The following MAF variants were observed in gnomAD, a reference collection of about 807,000 sequenced individuals.
The protein encoded by MAF is MAF bZIP transcription factor, also known as transcription factor Maf.
In MAF, 10 loss-of-function variants were observed where a neutral mutation model predicts 22.0. That is an observed-to-expected ratio of 0.45 (90% CI 0.28 to 0.77). The LOEUF is 0.77. MAF is among the 30% of genes least tolerant of loss of function. The probability of loss-of-function intolerance (pLI) is 0.12; values close to 1 mark genes in which losing one functional copy is unlikely to be tolerated. For missense variants in MAF, 544 were observed against 548.4 expected (o/e 0.99, Z 0.08); for synonymous variants, 337 against 255.8 (o/e 1.32, Z -3.03).
At chr16:79,384,820 T>C in the MAF span, among the ~76,000 whole-genome samples, 1 of 152,062 alleles carries the variant, frequency 6.6e-6, no homozygotes. Flanking sequence ...GAAGTGAAGA[T>C]TCAGAAGTTA....
chr16:79,546,516 C>T, the MAF span, among the ~76,000 whole-genome samples: 1 of 152,036 alleles, frequency 6.6e-6, no homozygotes, highest in East Asian at 1.9e-4. Context: ...TGGAAATTTC[C>T]CACAGCTACA....
chr16:79,599,039 C>T lies in MAF; in HGVS notation c.864G>A (p.Arg288=), dbSNP rs749330861. The part of the protein sequence containing the change: ...LRGVSKEEVI[R]LKQKRRTLKN... Reference sequence around the variant, plus strand: ...TCAGGGTCCGCCTCTTCTGCTTCAGCCGGATCACCTCCTCCTTGCTGACCC... The same window carrying T: ...TCAGGGTCCGCCTCTTCTGCTTCAGTCGGATCACCTCCTCCTTGCTGACCC... Residue 288 remains arginine, a synonymous_variant, in exon 1 of 2, where the codon CGG becomes CGA. Transcript: ENST00000326043. 11 of 1,613,064 alleles carry T rather than the reference C, an allele frequency of 6.8e-6. No individual in the cohort carries two copies. In the East Asian group the frequency reaches 1.1e-4, roughly 16 times the overall value.
At chr16:79,585,828 AG>A (rs1912803078), downstream of MAF, 2 of 468,360 alleles carry the variant, frequency 4.3e-6, no homozygotes, top group African/African-American at 3.8e-5. Context: ...AACAAAGAAA[AG>A]GAAAAAAAAA....
chr16:79,478,588 C>T, the MAF span, among the ~76,000 whole-genome samples: 1 of 152,136 alleles, frequency 6.6e-6, no homozygotes, highest in East Asian at 1.9e-4. Flanking sequence ...TCCCAGAGAA[C>T]CACCCCTGTA....
chr16:79,325,124 T>A, the MAF span, among the ~76,000 whole-genome samples: 1 of 152,196 alleles, frequency 6.6e-6, no homozygotes, highest in African/African-American at 2.4e-5. Flanking sequence ...TCATTATCTC[T>A]GCCAAGACTC....
At chr16:79,571,881 C>CA in the MAF span, among the ~76,000 whole-genome samples, 1 of 152,120 alleles carries the variant, frequency 6.6e-6, no homozygotes, top group African/African-American at 2.4e-5. Flanking sequence ...TCCAGGACTT[C>CA]CCCCAAGTGC....
chr16:79,229,905 T>A, the MAF span, among the ~76,000 whole-genome samples: 1 of 152,078 alleles, frequency 6.6e-6, no homozygotes, highest in Non-Finnish European at 1.5e-5. Flanking sequence ...TTAATTTAAC[T>A]TCGTTTTTAT....
the MAF span, among the ~76,000 whole-genome samples, chr16:79,363,244 T>G: frequency 6.6e-6 from 1 of 152,308 alleles, no homozygotes; most frequent in Admixed American, 6.5e-5. Flanking sequence ...TCAGCTCTTG[T>G]GGAGGAGATA....
the MAF span, among the ~76,000 whole-genome samples, chr16:79,490,235 T>G: frequency 6.6e-6 from 1 of 152,214 alleles, no homozygotes; most frequent in Non-Finnish European, 1.5e-5. Context: ...GTCTTTAAAA[T>G]ATCCTGGACA....
the MAF span, among the ~76,000 whole-genome samples, chr16:79,214,270 T>G: frequency 2.4e-4 from 36 of 152,334 alleles, no homozygotes; most frequent in African/African-American, 7.9e-4. Flanking sequence ...TCTTCACAAC[T>G]TGGCCACAGT....
At chr16:79,311,751 G>A in the MAF span, among the ~76,000 whole-genome samples, 21,324 of 152,156 alleles carry the variant, frequency 0.14, 2,234 homozygotes, top group East Asian at 0.41. Context: ...CACTTTTCCT[G>A]TCTCAGCTTG....
chr16:79,276,163 A>T, the MAF span, among the ~76,000 whole-genome samples: 1 of 151,884 alleles, frequency 6.6e-6, no homozygotes, highest in South Asian at 2.1e-4. Context: ...GAAAGAAAGA[A>T]AGAAAGGAAA....
At chr16:79,240,487 GAAAAAAAA>G in the MAF span, among the ~76,000 whole-genome samples, 31 of 60,728 alleles carry the variant, frequency 5.1e-4, no homozygotes, top group South Asian at 1.9e-3. Context: ...AGCATCTCTG[GAAAAAAAA>G]AAAAAAAAAA....
chr16:79,355,800 C>T, the MAF span, among the ~76,000 whole-genome samples: 3 of 152,122 alleles, frequency 2.0e-5, no homozygotes, highest in Non-Finnish European at 2.9e-5. Context: ...TGGCTATGGG[C>T]GGCGTGTGGG....
the MAF span, among the ~76,000 whole-genome samples, chr16:79,319,465 C>G: frequency 3.3e-5 from 5 of 152,186 alleles, no homozygotes; most frequent in Non-Finnish European, 7.3e-5. Context: ...TAAATTAACA[C>G]TGACCTTCAG....
At chr16:79,230,426 C>T in the MAF span, among the ~76,000 whole-genome samples, 6 of 152,178 alleles carry the variant, frequency 3.9e-5, no homozygotes, top group African/African-American at 1.4e-4. Flanking sequence ...CTCAGATAAA[C>T]GAAGCCCAGC....
the MAF span, among the ~76,000 whole-genome samples, chr16:79,307,088 C>A: frequency 6.6e-6 from 1 of 152,206 alleles, no homozygotes; most frequent in Non-Finnish European, 1.5e-5. Context: ...AAAAACCTGA[C>A]CTTCTTTTTC....
the MAF span, among the ~76,000 whole-genome samples, chr16:79,413,919 G>A: frequency 6.6e-6 from 1 of 152,170 alleles, no homozygotes; most frequent in Non-Finnish European, 1.5e-5. Flanking sequence ...ATCAGTGAGT[G>A]TGCTGAGATG....
the MAF span, among the ~76,000 whole-genome samples, chr16:79,351,649 A>ATT: frequency 1.1e-3 from 159 of 147,154 alleles, no homozygotes; most frequent in African/African-American, 3.6e-3. Flanking sequence ...TTGGAAACAG[A>ATT]TTTTTTTTTT....
Sources: allele counts gnomAD v4.1 joint callset (sites outside exome capture counted in the v4.1 genomes callset), GRCh38; gene constraint gnomAD v4.1.1; transcripts MANE v1.5; gene names NCBI Gene and HGNC (gene_info 2026-07-23, HGNC 2026-07-21).